ATP2B2: variants seen among roughly 807,000 people sequenced by gnomAD.
ATP2B2 encodes the protein plasma membrane calcium-transporting ATPase 2.
A neutral mutation model predicts 120.0 loss-of-function variants in ATP2B2; 15 were observed. The ratio of observed to expected loss-of-function variants is 0.12; its 90% CI spans 0.08 to 0.19. The LOEUF (loss-of-function observed/expected upper bound fraction) is 0.19. ATP2B2 is among the 10% of genes least tolerant of loss of function. The pLI, the probability that ATP2B2 is intolerant of heterozygous loss-of-function variation, is 1.00. For missense variants in ATP2B2, 1,045 were observed against 1,719.8 expected (o/e 0.61, Z 6.94); for synonymous variants, 694 against 700.3 (o/e 0.99, Z 0.14).
intron 2 of ATP2B2, among the ~76,000 whole-genome samples, chr3:10,416,051 A>G (rs34915): frequency 0.66 from 99,796 of 152,208 alleles, 33,965 homozygotes; most frequent in African/African-American, 0.82. Flanking sequence ...CAAGCACAGA[A>G]GAATGTGTGT....
chr3:10,467,515 G>C (rs59105104), intron 1 of ATP2B2, among the ~76,000 whole-genome samples: 47,056 of 151,888 alleles, frequency 0.31, 7,819 homozygotes, highest in African/African-American at 0.36. Context: ...GACACAGTTG[G>C]CACATGGCAA....
rs2059921534 is a variant in ATP2B2 at position 10,329,381 on chromosome 3, G to A, written c.3421-256C>T. Among the ~76,000 whole-genome samples, 1 of 152,112 alleles carries A rather than the reference G, an allele frequency of 6.6e-6. No homozygotes were observed. The highest frequency in any genetic ancestry group is 2.4e-5 in the African/African-American group (1 of 41,412). On this transcript the variant is annotated intron_variant, in intron 22 of 22. Coordinates refer to ENST00000360273, the MANE Select transcript of ATP2B2 (RefSeq NM_001001331.4). This position sits in a 1 kb window ranked among gnomAD's most constrained non-coding sequence, Gnocchi z 5.9. ...GTGTTAGGACAGGAGGAATCACCAA[G>A]CACCATCAAAGAGATGATGGGGAAC...
chr3:10,383,000 C>T (rs958595709), intron 8 of ATP2B2, among the ~76,000 whole-genome samples: 16 of 151,908 alleles, frequency 1.1e-4, no homozygotes, highest in Non-Finnish European at 2.1e-4. Context: ...TGTTAAAATG[C>T]AGATTCTCCT....
intron 3 of ATP2B2, among the ~76,000 whole-genome samples, chr3:10,528,539 C>T (rs1467463483): frequency 6.6e-6 from 1 of 152,202 alleles, no homozygotes; most frequent in Non-Finnish European, 1.5e-5. Flanking sequence ...CTTCCTCCAG[C>T]ATCCTTGGAG....
At chr3:10,567,152 A>G (rs895226472) in intron 2 of ATP2B2, among the ~76,000 whole-genome samples, 5 of 152,126 alleles carry the variant, frequency 3.3e-5, no homozygotes, top group African/African-American at 7.2e-5. Flanking sequence ...CTTCCTCCCA[A>G]CCACAATCTA....
At chr3:10,487,225 CA>C (rs1559400388) in intron 1 of ATP2B2, among the ~76,000 whole-genome samples, 1 of 152,098 alleles carries the variant, frequency 6.6e-6, no homozygotes, top group African/African-American at 2.4e-5. Context: ...AGCCTCTCCC[CA>C]CAAGCATGTG....
Position 10,538,684 on chromosome 3 carries a change from T to C in ATP2B2, c.-414-4551A>G, listed in dbSNP as rs868114404. Among the ~76,000 whole-genome samples the C allele has an allele frequency of 7.2e-5, 11 of 152,306 alleles. No individual in the cohort carries two copies. The Middle Eastern group carries it at 0.02, about 283-fold the overall frequency. ...TTCGACAAAATTCAACAGTGCTTCATGTTAAAACTCTCAATAAATTAGGTA... is the reference window on the plus strand; with the variant it reads ...TTCGACAAAATTCAACAGTGCTTCACGTTAAAACTCTCAATAAATTAGGTA... On this transcript the variant is annotated intron_variant, in intron 2 of 21. Transcript: ENST00000646379.
At chr3:10,589,078 C>A (rs891309864) in intron 2 of ATP2B2, among the ~76,000 whole-genome samples, 17 of 152,162 alleles carry the variant, frequency 1.1e-4, no homozygotes, top group African/African-American at 4.1e-4. Flanking sequence ...GACTCTGGGA[C>A]TCCAGTCACT....
chr3:10,527,677 C>A (rs1192147202), intron 3 of ATP2B2, among the ~76,000 whole-genome samples: 7 of 152,246 alleles, frequency 4.6e-5, no homozygotes, highest in African/African-American at 1.7e-4. Context: ...GAACTGGAGA[C>A]CCAGGCTTCT....
intron 1 of ATP2B2, among the ~76,000 whole-genome samples, chr3:10,642,757 G>A (rs564542461): frequency 6.6e-5 from 10 of 152,026 alleles, no homozygotes; most frequent in Non-Finnish European, 1.5e-4. Flanking sequence ...GCCATGGTGG[G>A]CTGGATGTTT....
At chr3:10,683,470 G>T (rs2125705179) in intron 1 of ATP2B2, among the ~76,000 whole-genome samples, 1 of 151,940 alleles carries the variant, frequency 6.6e-6, no homozygotes, top group South Asian at 2.1e-4. Flanking sequence ...GGGGAAAGGG[G>T]AATATGGTAA....
chr3:10,684,042 C>G (rs1295055985), intron 1 of ATP2B2, among the ~76,000 whole-genome samples: 1 of 151,936 alleles, frequency 6.6e-6, no homozygotes, highest in Non-Finnish European at 1.5e-5. Context: ...TGTCCCTTTC[C>G]CATCCAATGG....
At chr3:10,384,191 G>A (rs1394735117) in intron 8 of ATP2B2, among the ~76,000 whole-genome samples, 1 of 152,250 alleles carries the variant, frequency 6.6e-6, no homozygotes, top group Non-Finnish European at 1.5e-5. Context: ...CTTGGGGAGA[G>A]GTCTAGGGCA....
At chr3:10,652,987 G>T (rs76751213) in intron 1 of ATP2B2, among the ~76,000 whole-genome samples, 6 of 152,176 alleles carry the variant, frequency 3.9e-5, no homozygotes, top group Non-Finnish European at 7.3e-5. Context: ...GTTAAGGAAG[G>T]TGAAAAAGTT....
chr3:10,581,677 T>C (rs1319430334), intron 2 of ATP2B2, among the ~76,000 whole-genome samples: 1 of 152,212 alleles, frequency 6.6e-6, no homozygotes, highest in Non-Finnish European at 1.5e-5. Flanking sequence ...TAGCTTTTTG[T>C]AGGGCTGGTT....
At chr3:10,458,219 C>T (rs80041632) in intron 1 of ATP2B2, among the ~76,000 whole-genome samples, 3,513 of 152,204 alleles carry the variant, frequency 0.023, 80 homozygotes, top group East Asian at 0.077. Context: ...GGCCCTGCCC[C>T]GGGCACTGGG....
At chr3:10,589,438 G>A (rs950418361) in intron 2 of ATP2B2, among the ~76,000 whole-genome samples, 5 of 152,218 alleles carry the variant, frequency 3.3e-5, no homozygotes, top group African/African-American at 4.8e-5. Flanking sequence ...GCTGAGAAGC[G>A]TGTTAGAACA....
rs9310360 is a variant in ATP2B2 at position 10,411,341 on chromosome 3, G to C, written c.200-526C>G. Among the ~76,000 whole-genome samples, 185 of 152,298 alleles carry C rather than the reference G, an allele frequency of 1.2e-3. 1 individual carries two copies. Among genetic ancestry groups the C allele is most frequent in the African/African-American group, 4.2e-3 (176 of 41,568 alleles). ...GTGGCCCTGCTGACACCTGATTTCT[G>C]ACCTCTGGCCTCGAGTCATGAGAGA... On this transcript the variant is annotated intron_variant, in intron 2 of 22. Transcript: ENST00000360273.
At chr3:10,380,312 C>T (rs1045348906) in intron 8 of ATP2B2, among the ~76,000 whole-genome samples, 15 of 152,234 alleles carry the variant, frequency 9.9e-5, no homozygotes, top group African/African-American at 3.1e-4. Flanking sequence ...CCTGCACGCT[C>T]ACCCAGAGCT....
Sources: gnomAD v4.1 joint callset for allele counts (sites outside exome capture counted in the v4.1 genomes callset) on GRCh38, gnomAD v4.1.1 for gene constraint, Gnocchi (gnomAD v3.1) non-coding constraint, MANE v1.5 for transcripts, NCBI Gene and HGNC (gene_info 2026-07-23, HGNC 2026-07-21) for gene names.